Variants in CLEC4F observed in about 807,000 individuals in gnomAD.
The protein encoded by CLEC4F is C-type (calcium dependent, carbohydrate-recognition domain) lectin, superfamily member 13.
Under a neutral mutation model 53.4 loss-of-function variants are expected in CLEC4F, and 45 were observed. The observed-to-expected ratio is 0.84, with a 90% CI of 0.66 to 1.08. The LOEUF (loss-of-function observed/expected upper bound fraction) is 1.08. Ranked by LOEUF, CLEC4F falls within the 50% of genes least tolerant of loss-of-function variation. The pLI, the probability that CLEC4F is intolerant of heterozygous loss-of-function variation, is 0.00. For synonymous variants in CLEC4F, 245 were observed against 257.5 expected (o/e 0.95, Z 0.46); for missense variants, 753 against 698.2 (o/e 1.08, Z -0.88).
chr2:70,816,623 T>C lies in CLEC4F; in HGVS notation c.758A>G (p.Glu253Gly), dbSNP rs782047460. ...TAGATGGCCTCTCAAAACATAGATC[T>C]CAGCATTAGCGTTCTTTAAACTGCT... is the stretch of plus-strand genomic sequence containing the variant. ...ANSSLKNANA[E>G]IYVLRGHLDS... The change falls in exon 4 of 7, where the codon GAG (glutamate) becomes GGG (glycine). Residue 253 changes from glutamate to glycine, a missense_variant. Coordinates refer to ENST00000272367, the MANE Select transcript of CLEC4F (RefSeq NM_173535.3). 1.9e-6 allele frequency: 3 copies of C among 1,614,212 alleles called. No individual in the cohort carries two copies. In the South Asian group the frequency reaches 3.3e-5, roughly 18 times the overall value.
Position 70,809,854 on chromosome 2 carries a change from A to G in CLEC4F, c.1543T>C (p.Phe515Leu), listed in dbSNP as rs376387699. The G allele has an allele frequency of 9.3e-6, 15 of 1,609,266 alleles. No homozygotes were observed. The African/African-American group carries it at 1.9e-4, about 20-fold the overall frequency. ...ASVASKEEQA[F>L]LVEFTSKVYY... Reference sequence around the variant, plus strand: ...ACTTTACTTGTGAACTCTACCAGAAATGCCTGCAGAGAAAAGGCAGTGTCA... The same window carrying G: ...ACTTTACTTGTGAACTCTACCAGAAGTGCCTGCAGAGAAAAGGCAGTGTCA... Residue 515 changes from phenylalanine (F) to leucine (L), a missense_variant, in exon 6 of 7, where the codon TTT becomes CTT. Phe to Leu is a conservative substitution (Grantham distance 22). Coordinates refer to ENST00000272367, the MANE Select transcript of CLEC4F (RefSeq NM_173535.3).
Position 70,809,015 on chromosome 2 carries a change from G to T in CLEC4F, c.*256C>A. ...ATGTCATTCCACTTCTGCTGAATTT[G>T]GACACAGTCTTCAGTCTGCCCATTC... On this transcript the variant is annotated 3_prime_UTR_variant, in exon 7 of 7. Coordinates refer to ENST00000272367, the MANE Select transcript of CLEC4F (RefSeq NM_173535.3). 2.8e-6 allele frequency: 4 copies of T among 1,412,796 alleles called. No individual in the cohort carries two copies. The highest frequency in any genetic ancestry group is 1.2e-5 in the South Asian group (1 of 81,292). The allele number at this position is 1,412,796 out of a possible 1,614,324, so 87.5% of individuals were successfully genotyped here. A position where few individuals can be genotyped will look rare whatever the true frequency, so the allele number is the denominator to read the frequency against.
At chr2:70,810,757 T>C (rs1351074741) in intron 5 of CLEC4F, 6 of 467,062 alleles carry the variant, frequency 1.3e-5, no homozygotes, top group East Asian at 5.1e-5. Flanking sequence ...ACGTAATTAA[T>C]GTTAATTATG....
chr2:70,816,550 A>G lies in CLEC4F; in HGVS notation c.831T>C (p.Ser277=). ...GGATCTCAGCATTGGCTCCTTCCAA[A>G]CTATTTCTTAAAACCTGGTTCTGGG... is the stretch of plus-strand genomic sequence containing the variant. ...LRTQNQVLRN[S]LEGANAEIQG... The change falls in exon 4 of 7, where the codon AGT becomes AGC. Residue 277 remains serine, a synonymous_variant. Transcript: ENST00000272367. 1.2e-6 allele frequency: 2 copies of G among 1,613,814 alleles called. No individual in the cohort carries two copies. The highest frequency in any genetic ancestry group is 1.7e-6 in the Non-Finnish European group (2 of 1,179,968).
chr2:70,821,051 G>C (rs1677200789), upstream of CLEC4F, among the ~76,000 whole-genome samples: 1 of 152,190 alleles, frequency 6.6e-6, no homozygotes, highest in Admixed American at 6.5e-5. Context: ...ATAGTATACA[G>C]GAGGATGTGC....
intron 5 of CLEC4F, chr2:70,811,138 T>C: frequency 1.5e-6 from 1 of 686,786 alleles, no homozygotes; most frequent in South Asian, 1.3e-5. Flanking sequence ...TGGAGTTTTA[T>C]GAGCTATGCA....
intron 4 of CLEC4F, among the ~76,000 whole-genome samples, chr2:70,814,768 G>C (rs1676802600): frequency 6.6e-6 from 1 of 150,668 alleles, no homozygotes; most frequent in African/African-American, 2.4e-5. Context: ...TAAGCTAATA[G>C]TTCTCAGCCC....
chr2:70,820,765 C>T (rs750303865), upstream of CLEC4F, among the ~76,000 whole-genome samples: 4 of 152,172 alleles, frequency 2.6e-5, no homozygotes, highest in Admixed American at 6.5e-5. Context: ...AGCACCTTCC[C>T]GTCAGTTCTC....
intron 3 of CLEC4F, 48 bp from the exon 4 acceptor site, chr2:70,817,160 G>A (rs1553396647): frequency 1.3e-6 from 2 of 1,559,848 alleles, no homozygotes; most frequent in Admixed American, 1.8e-5. Context: ...CATTATGTAG[G>A]GTAGCATTTT....
chr2:70,815,826 C>A (rs549539608), intron 4 of CLEC4F, among the ~76,000 whole-genome samples, 168 bp downstream of exon 4: 1 of 152,202 alleles, frequency 6.6e-6, no homozygotes, highest in Non-Finnish European at 1.5e-5. Flanking sequence ...AGAGCAGGAA[C>A]TTCCCACCTC....
intron 1 of CLEC4F, among the ~76,000 whole-genome samples, chr2:70,820,097 G>A (rs1348112129): frequency 1.3e-5 from 2 of 152,224 alleles, no homozygotes; most frequent in African/African-American, 2.4e-5. Context: ...TGTGGATATG[G>A]TAGCAACACA....
chr2:70,818,290 C>T (rs763746303), intron 3 of CLEC4F, among the ~76,000 whole-genome samples: 1 of 152,114 alleles, frequency 6.6e-6, no homozygotes, highest in African/African-American at 2.4e-5. Context: ...TATGGACAAT[C>T]GAATTTCAAC....
At chr2:70,812,417 CCAA>C (rs782549591) in intron 5 of CLEC4F, 27 bp downstream of exon 5, 35 of 1,610,548 alleles carry the variant, frequency 2.2e-5, no homozygotes, top group Non-Finnish European at 2.8e-5. Flanking sequence ...ACCAATTCCA[CCAA>C]CAACACCCCA....
rs781857234 is a variant in CLEC4F, at chr2:70,817,162, T to C, written c.269-50A>G. 5.4e-5 allele frequency: 83 copies of C among 1,551,302 alleles called. 1 individual carries two copies. The East Asian group carries it at 1.9e-3, about 35-fold the overall frequency. On this transcript the variant is annotated intron_variant, in intron 3 of 6. Transcript: ENST00000272367. ...AGCCAAAGAGGCCCATTATGTAGGGTAGCATTTTATGGGCCACCCAGAGTG... is the reference window on the plus strand; with the variant it reads ...AGCCAAAGAGGCCCATTATGTAGGGCAGCATTTTATGGGCCACCCAGAGTG...
intron 5 of CLEC4F, chr2:70,810,785 C>A: frequency 2.0e-6 from 1 of 497,384 alleles, no homozygotes; most frequent in Admixed American, 2.5e-5. Context: ...TACATTTTCC[C>A]ATTTGATTCC....
Position 70,812,618 on chromosome 2 carries a change from G to C in CLEC4F, c.1388-20C>G, listed in dbSNP as rs782043420. On this transcript the variant is annotated intron_variant, in intron 4 of 6. Coordinates refer to ENST00000272367, the MANE Select transcript of CLEC4F (RefSeq NM_173535.3). ...GCTGACCTGGAGCAAAGATTGGGGAGAAAAGAGAACCAGGAGCTGCTGGTA... is the reference window on the plus strand; with the variant it reads ...GCTGACCTGGAGCAAAGATTGGGGACAAAAGAGAACCAGGAGCTGCTGGTA... 1 of 1,612,792 alleles carries C rather than the reference G, an allele frequency of 6.2e-7. No individual in the cohort carries two copies. Among genetic ancestry groups the C allele is most frequent in the Non-Finnish European group, 8.5e-7 (1 of 1,179,650 alleles).
At position 70,816,993 on chromosome 2, in the gene CLEC4F, T is replaced by C. The variant is rs1553396452; in HGVS notation, c.388A>G (p.Asn130Asp). Residue 130 changes from asparagine (N) to aspartate (D), a missense_variant, in exon 4 of 7, where the codon AAT (asparagine) becomes GAT (aspartate). Asn to Asp is a conservative substitution (Grantham distance 23). Coordinates refer to ENST00000272367, the MANE Select transcript of CLEC4F (RefSeq NM_173535.3). ...AGCACCTGGAGCTGCGAATTGACAT[T>C]GTCCACTCTGCACTTCAACATCTGG... The part of the protein sequence containing the change: ...EIQMLKCRVD[N>D]VNSQLQVLGD... 2 of 1,614,208 alleles carry C rather than the reference T, an allele frequency of 1.2e-6. No individual in the cohort carries two copies. The highest frequency in any genetic ancestry group is 2.7e-5 in the African/African-American group (2 of 75,058).
At position 70,816,404 on chromosome 2, in the gene CLEC4F, C is replaced by A. The variant is rs917495353; in HGVS notation, c.977G>T (p.Arg326Ile). The A allele has an allele frequency of 6.2e-7, 1 of 1,613,752 alleles. No homozygotes were observed. Among genetic ancestry groups the A allele is most frequent in the African/African-American group, 1.3e-5 (1 of 74,892 alleles). The change falls in exon 4 of 7, where the codon AGA becomes ATA. Residue 326 changes from arginine to isoleucine, a missense_variant. Transcript: ENST00000272367. ...EIQFLRGHLE[R>I]AGDEIHVLKR... ...TAACACGTGAATTTCATCACCAGCT[C>A]TTTCCAAATGACCTCTTAAGAACTG...
intron 1 of CLEC4F, 129 bp downstream of exon 1, chr2:70,820,334 G>A: frequency 2.6e-6 from 2 of 756,072 alleles, no homozygotes; most frequent in East Asian, 3.0e-5. Flanking sequence ...CTCTTGCCAG[G>A]TCTGCATCCC....
Sources: allele counts gnomAD v4.1 joint callset (sites outside exome capture counted in the v4.1 genomes callset), GRCh38; gene constraint gnomAD v4.1.1; transcripts MANE v1.5; gene names NCBI Gene and HGNC (gene_info 2026-07-23, HGNC 2026-07-21).